The following ST6GALNAC3 variants were observed in gnomAD, a reference collection of about 807,000 sequenced individuals.
ST6GALNAC3 encodes ST6 N-acetylgalactosaminide alpha-2,6-sialyltransferase 3.
A neutral mutation model predicts 32.7 loss-of-function variants in ST6GALNAC3; 25 were observed. The ratio of observed to expected loss-of-function variants is 0.76; its 90% CI spans 0.56 to 1.07. The LOEUF (loss-of-function observed/expected upper bound fraction) is 1.07. ST6GALNAC3 is among the 50% of genes least tolerant of loss of function. ST6GALNAC3 has a pLI of 0.00. For synonymous variants in ST6GALNAC3, 129 were observed against 133.1 expected, an observed-to-expected ratio of 0.97 and a Z score of 0.21; for missense variants, 355 against 382.4, an observed-to-expected ratio of 0.93 and a Z score of 0.60.
At chr1:76,270,128 A>G (rs895064042) in intron 1 of ST6GALNAC3, among the ~76,000 whole-genome samples, 1 of 152,240 alleles carries the variant, frequency 6.6e-6, no homozygotes, top group African/African-American at 2.4e-5. Flanking sequence ...AGTTGAAATT[A>G]TTGAACTTAT....
At chr1:76,586,228 A>G (rs1646960874) in intron 3 of ST6GALNAC3, among the ~76,000 whole-genome samples, 1 of 152,220 alleles carries the variant, frequency 6.6e-6, no homozygotes, top group African/African-American at 2.4e-5. Context: ...GTTGAGATGT[A>G]CTGTGTCAAC....
chr1:76,631,039 A>G lies in ST6GALNAC3; in HGVS notation c.*2233A>G. Reference sequence around the variant, plus strand: ...GTTCTAGCCCCTACTGATGAGAAACATTTGAAAACTTGCTTGCTCTCCTGC... The same window carrying G: ...GTTCTAGCCCCTACTGATGAGAAACGTTTGAAAACTTGCTTGCTCTCCTGC... On this transcript the variant is annotated 3_prime_UTR_variant, in exon 5 of 5. Transcript: ENST00000328299. The G allele has an allele frequency of 1.0e-6, 1 of 985,538 alleles. No individual in the cohort carries two copies. Among genetic ancestry groups the G allele is most frequent in the Non-Finnish European group, 1.2e-6 (1 of 829,838 alleles). 61.0% of individuals were successfully genotyped at this position (985,538 alleles called of 1,614,324 possible). A position where few individuals can be genotyped will look rare whatever the true frequency, so the allele number is the denominator to read the frequency against.
chr1:76,127,034 G>T (rs545255057), intron 1 of ST6GALNAC3, among the ~76,000 whole-genome samples: 1 of 152,184 alleles, frequency 6.6e-6, no homozygotes, highest in Admixed American at 6.5e-5. Context: ...AAGTTGCTCC[G>T]TGTTGCAGTG....
intron 1 of ST6GALNAC3, among the ~76,000 whole-genome samples, chr1:76,208,301 A>G (rs2100563626): frequency 6.6e-6 from 1 of 152,378 alleles, no homozygotes; most frequent in South Asian, 2.1e-4. Flanking sequence ...GTGATTCAGT[A>G]TGAAAGTGCT....
At chr1:76,384,304 T>C (rs758228196) in intron 2 of ST6GALNAC3, among the ~76,000 whole-genome samples, 1 of 152,086 alleles carries the variant, frequency 6.6e-6, no homozygotes, top group African/African-American at 2.4e-5. Flanking sequence ...AAAGATGCCA[T>C]GACATAGTGA....
chr1:76,095,961 A>G, intron 1 of ST6GALNAC3, among the ~76,000 whole-genome samples: 1 of 152,140 alleles, frequency 6.6e-6, no homozygotes, highest in East Asian at 1.9e-4. Context: ...GCTGACAGTC[A>G]TTGGTTAAAT....
chr1:76,192,623 G>T (rs528913485), intron 1 of ST6GALNAC3, among the ~76,000 whole-genome samples: 2 of 152,288 alleles, frequency 1.3e-5, no homozygotes, highest in East Asian at 3.9e-4. Context: ...GTAAGAAGAT[G>T]TTTTGTTTCT....
Position 76,506,211 on chromosome 1 carries a change from G to A in ST6GALNAC3, c.623+93794G>A, listed in dbSNP as rs148846628. Among the ~76,000 whole-genome samples, 1,380 of 152,212 alleles carry A rather than the reference G, an allele frequency of 9.1e-3. 24 individuals carry two copies. The highest frequency in any genetic ancestry group is 0.031 in the African/African-American group (1,283 of 41,520). On this transcript the variant is annotated intron_variant, in intron 3 of 4. Coordinates refer to ENST00000328299, the MANE Select transcript of ST6GALNAC3 (RefSeq NM_152996.4). ...ATTAGCTGATGTCTACGTGGTGCAG[G>A]GAAAGCAACCATTTCTGGTACTACT...
chr1:76,569,884 C>T (rs1665763282), intron 3 of ST6GALNAC3, among the ~76,000 whole-genome samples: 1 of 152,066 alleles, frequency 6.6e-6, no homozygotes, highest in Non-Finnish European at 1.5e-5. Context: ...CCATGAAACT[C>T]CTATGTTCTT....
chr1:76,266,083 CA>C (rs563253932), intron 1 of ST6GALNAC3, among the ~76,000 whole-genome samples: 14 of 152,270 alleles, frequency 9.2e-5, no homozygotes, highest in Admixed American at 5.9e-4. Context: ...TTATAGTGTT[CA>C]GGGGGCACTT....
At position 76,257,787 on chromosome 1, in the gene ST6GALNAC3, G is replaced by A. The variant is rs112337806; in HGVS notation, c.19-56018G>A. 7.1e-3 allele frequency among the ~76,000 whole-genome samples: 1,083 copies of A among 152,142 alleles called. 14 individuals carry two copies. Among genetic ancestry groups the A allele is most frequent in the African/African-American group, 0.025 (1,018 of 41,528 alleles). On this transcript the variant is annotated intron_variant, in intron 1 of 4. Coordinates refer to ENST00000328299, the MANE Select transcript of ST6GALNAC3 (RefSeq NM_152996.4). ...AGAAAGACTGACAAGTTATTCTGCCGAATGATACTGGAAAAAAGAATAGGA... is the reference window on the plus strand; with the variant it reads ...AGAAAGACTGACAAGTTATTCTGCCAAATGATACTGGAAAAAAGAATAGGA...
In ST6GALNAC3 at chr1:76,322,871, C is replaced by T. The variant is rs541445572; in HGVS notation, c.213+8872C>T. On this transcript the variant is annotated intron_variant, in intron 2 of 4. Transcript: ENST00000328299. ...TTATTCATTTATTGACATGGAGTCT[C>T]GCTCTGTCACTTAGGCTGGAGTTCA... 4.6e-5 allele frequency among the ~76,000 whole-genome samples: 7 copies of T among 151,266 alleles called. No homozygotes were observed. The South Asian group carries it at 1.3e-3, about 27-fold the overall frequency.
chr1:76,169,126 CT>C (rs1652312851), intron 1 of ST6GALNAC3, among the ~76,000 whole-genome samples: 1 of 152,062 alleles, frequency 6.6e-6, no homozygotes, highest in Non-Finnish European at 1.5e-5. Context: ...CCTTCATGAG[CT>C]GTTGTAAGGT....
Position 76,630,626 on chromosome 1 carries a change from T to C in ST6GALNAC3, c.*1820T>C. 1.0e-6 allele frequency: 1 copy of C among 985,674 alleles called. No homozygotes were observed. The highest frequency in any genetic ancestry group is 1.2e-6 in the Non-Finnish European group (1 of 829,838). 61.1% of individuals were successfully genotyped at this position (985,674 alleles called of 1,614,324 possible). A position where few individuals can be genotyped will look rare whatever the true frequency, so the allele number is the denominator to read the frequency against. ...AGCACTTGTAGGTCTTTACTAGTGC[T>C]AAGTATTATGGTGAGCTATCATTAA... On this transcript the variant is annotated 3_prime_UTR_variant, in exon 5 of 5. Coordinates refer to ENST00000328299, the MANE Select transcript of ST6GALNAC3 (RefSeq NM_152996.4).
intron 3 of ST6GALNAC3, among the ~76,000 whole-genome samples, chr1:76,451,116 T>C (rs1214303168): frequency 6.6e-6 from 1 of 152,202 alleles, no homozygotes; most frequent in East Asian, 1.9e-4. Flanking sequence ...GGGAATTGCA[T>C]TGAATTTGCA....
chr1:76,233,442 C>T (rs1656480300), intron 1 of ST6GALNAC3, among the ~76,000 whole-genome samples: 1 of 152,154 alleles, frequency 6.6e-6, no homozygotes, highest in African/African-American at 2.4e-5. Context: ...GGAAGGGCAT[C>T]CACCAACCAC....
intron 1 of ST6GALNAC3, among the ~76,000 whole-genome samples, chr1:76,235,002 C>T (rs996257344): frequency 6.6e-6 from 1 of 152,186 alleles, no homozygotes; most frequent in Non-Finnish European, 1.5e-5. Flanking sequence ...TTCAGCTTCT[C>T]TACAGAGTCG....
chr1:76,374,385 G>A (rs1257125140), intron 2 of ST6GALNAC3, among the ~76,000 whole-genome samples: 1 of 152,190 alleles, frequency 6.6e-6, no homozygotes, highest in Admixed American at 6.5e-5. Context: ...ATAATGGTTA[G>A]GGATGAGGCA....
In ST6GALNAC3 at chr1:76,306,160, C is replaced by A. The variant is rs552133192; in HGVS notation, c.19-7645C>A. ...GTGGATAAATTTAATTCATTTTGCC[C>A]AACTCTGGCTTTATTCCCGGTATTA... On this transcript the variant is annotated intron_variant, in intron 1 of 4. Coordinates refer to ENST00000328299, the MANE Select transcript of ST6GALNAC3 (RefSeq NM_152996.4). Among the ~76,000 whole-genome samples the A allele has an allele frequency of 2.6e-5, 4 of 151,936 alleles. No homozygotes were observed. In the East Asian group the frequency reaches 7.7e-4, roughly 29 times the overall value.
Sources: gnomAD v4.1 joint callset for allele counts (sites outside exome capture counted in the v4.1 genomes callset) on GRCh38, gnomAD v4.1.1 for gene constraint, MANE v1.5 for transcripts, NCBI Gene and HGNC (gene_info 2026-07-23, HGNC 2026-07-21) for gene names.